Variants in MYO18B observed in about 807,000 individuals in gnomAD.
The protein encoded by MYO18B is unconventional myosin-XVIIIb.
MYO18B carries 204 observed loss-of-function variants against 273.0 expected under a neutral mutation model. The observed-to-expected ratio is 0.75, with a 90% CI of 0.67 to 0.84. MYO18B has a LOEUF of 0.84. MYO18B is among the 40% of genes least tolerant of loss of function. The pLI is 0.00. For synonymous variants in MYO18B, 1,330 were observed against 1,305.7 expected, an observed-to-expected ratio of 1.02 and a Z score of -0.40; for missense variants, 3,212 against 3,287.6, an observed-to-expected ratio of 0.98 and a Z score of 0.56.
chr22:25,799,038 A>G (rs186794583), intron 12 of MYO18B, among the ~76,000 whole-genome samples: 63 of 151,964 alleles, frequency 4.1e-4, no homozygotes, highest in African/African-American at 1.3e-3. Flanking sequence ...TCCGTATCCA[A>G]TCATTCACTA....
intron 39 of MYO18B, among the ~76,000 whole-genome samples, chr22:25,984,987 G>A (rs1159799446): frequency 6.6e-6 from 1 of 152,158 alleles, no homozygotes; most frequent in Non-Finnish European, 1.5e-5. Context: ...AGGACAGGAG[G>A]TATTGTTGGG....
chr22:25,890,738 C>A lies in MYO18B; in HGVS notation c.4315-18C>A, dbSNP rs770861474. The A allele has an allele frequency of 6.2e-7, 1 of 1,613,482 alleles. No individual in the cohort carries two copies. Among genetic ancestry groups the A allele is most frequent in the South Asian group, 1.1e-5 (1 of 90,930 alleles). On this transcript the variant is annotated intron_variant, in intron 25 of 43. Transcript: ENST00000335473. Reference sequence around the variant, plus strand: ...CCATCGAGTGACCGTTCCTTGATCACCCCATTCCCCATCTCAGATTGCTGA... The same window carrying A: ...CCATCGAGTGACCGTTCCTTGATCAACCCATTCCCCATCTCAGATTGCTGA...
At chr22:26,018,001 G>A (rs1371659946) in intron 42 of MYO18B, among the ~76,000 whole-genome samples, 1 of 139,704 alleles carries the variant, frequency 7.2e-6, no homozygotes, top group African/African-American at 2.7e-5. Flanking sequence ...GCGGGGGCAG[G>A]GGGTGTAGAG....
At chr22:25,775,516 T>A (rs1348972326) in intron 7 of MYO18B, among the ~76,000 whole-genome samples, 1 of 152,210 alleles carries the variant, frequency 6.6e-6, no homozygotes, top group Non-Finnish European at 1.5e-5. Context: ...CTTTTCCTTT[T>A]GGTGCCCTCC....
In MYO18B at chr22:26,003,254, C is replaced by A. The variant is rs777542120; in HGVS notation, c.6288-11C>A. ...CGAGGATAACACACTCTTTCTTGTGCCTCTTACTAGTGTCCAGACGGCAGT... is the reference window on the plus strand; with the variant it reads ...CGAGGATAACACACTCTTTCTTGTGACTCTTACTAGTGTCCAGACGGCAGT... On this transcript the variant is annotated splice_polypyrimidine_tract_variant and intron_variant, in intron 40 of 43. Transcript: ENST00000335473. 29 of 1,606,280 alleles carry A rather than the reference C, an allele frequency of 1.8e-5. No homozygotes were observed. Among genetic ancestry groups the A allele is most frequent in the Admixed American group, 8.5e-5 (5 of 58,910 alleles).
At chr22:25,835,931 A>G (rs1371405902) in intron 17 of MYO18B, among the ~76,000 whole-genome samples, 1 of 152,226 alleles carries the variant, frequency 6.6e-6, no homozygotes, top group Non-Finnish European at 1.5e-5. Flanking sequence ...AGAAGCCATG[A>G]AGGATTCCAG....
the MYO18B span, among the ~76,000 whole-genome samples, chr22:26,053,881 A>G: frequency 6.6e-6 from 1 of 152,142 alleles, no homozygotes; most frequent in Admixed American, 6.5e-5. Context: ...GAAATCTTTG[A>G]TGGGTTCTGA....
intron 7 of MYO18B, among the ~76,000 whole-genome samples, chr22:25,773,488 G>C (rs1258175230): frequency 6.6e-6 from 1 of 152,152 alleles, no homozygotes; most frequent in Non-Finnish European, 1.5e-5. Context: ...TTTTGAGACG[G>C]AGTCTCTCTG....
At chr22:25,972,577 G>T (rs1320154205) in intron 39 of MYO18B, among the ~76,000 whole-genome samples, 1 of 152,160 alleles carries the variant, frequency 6.6e-6, no homozygotes, top group Non-Finnish European at 1.5e-5. Context: ...TGACTCCTAG[G>T]CACAGCAGCA....
At chr22:25,990,787 A>G (rs1052437640) in intron 39 of MYO18B, among the ~76,000 whole-genome samples, 7 of 148,490 alleles carry the variant, frequency 4.7e-5, no homozygotes, top group African/African-American at 1.5e-4. Context: ...TCACTTAGCT[A>G]CTCAGTTCCA....
At position 25,759,805 on chromosome 22, in the gene MYO18B, C is replaced by T. The variant is rs545461463; in HGVS notation, c.-109-1179C>T. Among the ~76,000 whole-genome samples the T allele has an allele frequency of 3.9e-5, 6 of 152,154 alleles. No individual in the cohort carries two copies. In the South Asian group the frequency reaches 8.3e-4, roughly 21 times the overall value. ...TTTTGATGGTTTCATACTGTTACTG[C>T]GAATTGGAGGTACTCTAATTTATTT... On this transcript the variant is annotated intron_variant, in intron 1 of 43. Coordinates refer to ENST00000335473, the MANE Select transcript of MYO18B (RefSeq NM_032608.7).
rs550204105 is a variant in MYO18B at position 25,776,054 on chromosome 22, C to T, written c.1870-1529C>T. ...TGGGCCCCCTGTGGTCAACTCAGCCCCAAGTTCTACCCCTGGTAGCCACTG... is the reference window on the plus strand; with the variant it reads ...TGGGCCCCCTGTGGTCAACTCAGCCTCAAGTTCTACCCCTGGTAGCCACTG... On this transcript the variant is annotated intron_variant, in intron 7 of 43. Coordinates refer to ENST00000335473, the MANE Select transcript of MYO18B (RefSeq NM_032608.7). Among the ~76,000 whole-genome samples the T allele has an allele frequency of 3.9e-5, 6 of 152,272 alleles. No individual in the cohort carries two copies. The East Asian group carries it at 1.2e-3, about 29-fold the overall frequency.
intron 34 of MYO18B, among the ~76,000 whole-genome samples, chr22:25,943,796 T>A (rs1601638423): frequency 6.9e-6 from 1 of 145,272 alleles, no homozygotes; most frequent in African/African-American, 2.5e-5. Context: ...CTCGGCTCAC[T>A]GCAACCTCTG....
At chr22:25,931,263 GT>G (rs35463863) in intron 34 of MYO18B, among the ~76,000 whole-genome samples, 1,802 of 152,316 alleles carry the variant, frequency 0.012, 14 homozygotes, top group Middle Eastern at 0.034. Flanking sequence ...CCCCACAAAT[GT>G]TGACACATTC....
chr22:25,750,693 T>TGG (rs1456819890), intron 1 of MYO18B, among the ~76,000 whole-genome samples: 2 of 152,040 alleles, frequency 1.3e-5, no homozygotes, highest in East Asian at 3.9e-4. Context: ...AAGAACCAAA[T>TGG]AGTGACCTAA....
At position 25,828,826 on chromosome 22, in the gene MYO18B, C is replaced by T. The variant is rs781533898; in HGVS notation, c.2837C>T (p.Ser946Phe). The T allele has an allele frequency of 4.3e-6, 7 of 1,613,856 alleles. No individual in the cohort carries two copies. In the African/African-American group the frequency reaches 9.3e-5, roughly 22 times the overall value. The change falls in exon 15 of 44, where the codon TCT (serine) becomes TTT (phenylalanine). Residue 946 changes from serine to phenylalanine, a missense_variant. By Grantham distance (155) the Ser-to-Phe change is radical. Transcript: ENST00000335473. ...ATGGCCTCCATCATGGTGGTGGACT[C>T]TCCAGGCTTCCAGAACCCCCGGCAC... is the stretch of plus-strand genomic sequence containing the variant. ...LSMASIMVVDSPGFQNPRHQG... is the reference protein window; with the variant it reads ...LSMASIMVVDFPGFQNPRHQG...
chr22:25,882,920 A>G (rs1219727108), intron 25 of MYO18B, among the ~76,000 whole-genome samples: 4 of 152,130 alleles, frequency 2.6e-5, no homozygotes, highest in African/African-American at 2.4e-5. Flanking sequence ...TTTTTGAGAC[A>G]GAATCTCCCT....
chr22:25,811,640 A>G (rs1238691587), intron 12 of MYO18B, among the ~76,000 whole-genome samples: 1 of 152,108 alleles, frequency 6.6e-6, no homozygotes, highest in Non-Finnish European at 1.5e-5. Context: ...CACATGTCAT[A>G]TCTTGCCTTG....
intron 29 of MYO18B, chr22:25,898,764 C>T (rs71321069): frequency 0.017 from 5,321 of 310,138 alleles, 52 homozygotes; most frequent in South Asian, 0.036. Context: ...TTGTTGCAGA[C>T]GGTCAAGACA....
Sources: allele counts gnomAD v4.1 joint callset (sites outside exome capture counted in the v4.1 genomes callset), GRCh38; gene constraint gnomAD v4.1.1; transcripts MANE v1.5; gene names NCBI Gene and HGNC (gene_info 2026-07-23, HGNC 2026-07-21).